The following DCSTAMP variants were observed in gnomAD, a reference collection of about 807,000 sequenced individuals.
DCSTAMP encodes dendrocyte expressed seven transmembrane protein, also known as dendritic cell-specific transmembrane protein.
DCSTAMP carries 25 observed loss-of-function variants against 33.8 expected under a neutral mutation model. The ratio of observed to expected loss-of-function variants is 0.74; its 90% CI spans 0.54 to 1.03. The LOEUF (loss-of-function observed/expected upper bound fraction) is 1.03, where lower values mean the gene tolerates loss of function less well. Among genes scored for constraint, DCSTAMP ranks in the 50% least tolerant of loss-of-function variants. The probability of loss-of-function intolerance (pLI) is 0.00; values close to 1 mark genes in which losing one functional copy is unlikely to be tolerated. For synonymous variants in DCSTAMP, 245 were observed against 216.7 expected (o/e 1.13, Z -1.15); for missense variants, 531 against 556.8 (o/e 0.95, Z 0.47).
Position 104,355,130 on chromosome 8 carries a change from G to A in DCSTAMP, c.1283G>A (p.Arg428Lys). Residue 428 changes from arginine (R) to lysine (K), a missense_variant, in exon 3 of 4, where the codon AGA (arginine) becomes AAA (lysine). Physicochemically the swap from Arg to Lys is conservative, Grantham distance 26. Transcript: ENST00000297581. ...QYLHAKLLKKRSKQPLGEVKR... is the reference protein window; with the variant it reads ...QYLHAKLLKKKSKQPLGEVKR... ...CTGCATGCAAAGCTGCTTAAAAAAAGATCAAAGCAGCCGCTGGGAGAAGTC... is the reference window on the plus strand; with the variant it reads ...CTGCATGCAAAGCTGCTTAAAAAAAAATCAAAGCAGCCGCTGGGAGAAGTC... 6.2e-7 allele frequency: 1 copy of A among 1,614,070 alleles called. No individual in the cohort carries two copies. The highest frequency in any genetic ancestry group is 8.5e-7 in the Non-Finnish European group (1 of 1,180,006).
chr8:104,350,690 A>G (rs76782875), intron 2 of DCSTAMP, among the ~76,000 whole-genome samples: 1 of 152,204 alleles, frequency 6.6e-6, no homozygotes, highest in Non-Finnish European at 1.5e-5. Flanking sequence ...TTAAATGAGC[A>G]TGCCTGTGAT....
At chr8:104,343,027 C>T (rs116125446) in intron 1 of DCSTAMP, among the ~76,000 whole-genome samples, 3,567 of 152,256 alleles carry the variant, frequency 0.023, 125 homozygotes, top group African/African-American at 0.075. Flanking sequence ...TGGTTGACAA[C>T]GCAGGACAGC....
At chr8:104,343,829 C>A (rs2099383403) in intron 1 of DCSTAMP, among the ~76,000 whole-genome samples, 1 of 152,236 alleles carries the variant, frequency 6.6e-6, no homozygotes, top group South Asian at 2.1e-4. Context: ...TGTCTGCAAG[C>A]CGGGGAGGGG....
At chr8:104,340,292 T>C (rs555940287) in intron 1 of DCSTAMP, 1 of 152,346 alleles carries the variant, frequency 6.6e-6, no homozygotes, top group Non-Finnish European at 1.5e-5. Flanking sequence ...TGAAGGCTGC[T>C]TTCACAGAGG....
chr8:104,340,822 T>G (rs773284205), intron 1 of DCSTAMP, among the ~76,000 whole-genome samples: 9 of 152,156 alleles, frequency 5.9e-5, no homozygotes, highest in Non-Finnish European at 1.0e-4. Flanking sequence ...ATCAAGCCAG[T>G]GAGGGAGGCT....
At chr8:104,353,739 C>A (rs1810532146) in intron 2 of DCSTAMP, among the ~76,000 whole-genome samples, 2 of 152,208 alleles carry the variant, frequency 1.3e-5, no homozygotes, top group African/African-American at 2.4e-5. Flanking sequence ...ATCCAAGGTG[C>A]CCAGCGTCCG....
In DCSTAMP at chr8:104,348,544, G is replaced by A. The variant is rs747935144; in HGVS notation, c.-9G>A. 2.3e-5 allele frequency: 37 copies of A among 1,604,524 alleles called. No homozygotes were observed. Among genetic ancestry groups the A allele is most frequent in the East Asian group, 2.2e-5 (1 of 44,798 alleles). ...TTGGTTTCTTTTTCATTTTCAGGAC[G>A]CAGGGAGCATGGGTATCTGGACCTC... is the stretch of plus-strand genomic sequence containing the variant. On this transcript the variant is annotated 5_prime_UTR_variant, in exon 2 of 4. Transcript: ENST00000297581.
chr8:104,356,533 C>T lies in DCSTAMP; in HGVS notation c.*335C>T, dbSNP rs1810629959. ...AAAACGAAAACAGTTTAAATCTCTA[C>T]CACAGCCTCACAAGCAAATGCTAAG... On this transcript the variant is annotated 3_prime_UTR_variant, in exon 4 of 4. Coordinates refer to ENST00000297581, the MANE Select transcript of DCSTAMP (RefSeq NM_030788.4). 6.1e-6 allele frequency: 1 copy of T among 164,544 alleles called. No homozygotes were observed. The highest frequency in any genetic ancestry group is 2.4e-5 in the African/African-American group (1 of 41,882). The allele number at this position is 164,544 out of a possible 1,614,324, so 10.2% of individuals were successfully genotyped here.
At chr8:104,343,521 G>T (rs1002669690) in intron 1 of DCSTAMP, among the ~76,000 whole-genome samples, 1 of 152,156 alleles carries the variant, frequency 6.6e-6, no homozygotes, top group Non-Finnish European at 1.5e-5. Context: ...CCCCAGTGTG[G>T]CTGTATTTGG....
At chr8:104,354,719 T>G (rs1810565463) in intron 2 of DCSTAMP, among the ~76,000 whole-genome samples, 158 bp from the exon 3 acceptor site, 1 of 152,164 alleles carries the variant, frequency 6.6e-6, no homozygotes, top group African/African-American at 2.4e-5. Context: ...TCTCCTTTGC[T>G]CCAATCATAA....
At chr8:104,355,288 A>G in intron 3 of DCSTAMP, 103 bp downstream of exon 3, 1 of 1,226,222 alleles carries the variant, frequency 8.2e-7, no homozygotes, top group Admixed American at 2.6e-5. Context: ...ACTTCACATC[A>G]GGGCTTGTAC....
chr8:104,344,350 T>G (rs1470024396), intron 1 of DCSTAMP, among the ~76,000 whole-genome samples: 1 of 152,090 alleles, frequency 6.6e-6, no homozygotes, highest in Non-Finnish European at 1.5e-5. Flanking sequence ...GTAATTAAAT[T>G]TATTAATTAA....
Position 104,348,581 on chromosome 8 carries a change from T to C in DCSTAMP, c.29T>C (p.Ile10Thr), listed in dbSNP as rs762435070. The C allele has an allele frequency of 5.6e-6, 9 of 1,614,072 alleles. No individual in the cohort carries two copies. In the South Asian group the frequency reaches 6.6e-5, roughly 12 times the overall value. ...GGTATCTGGACCTCAGGCACTGATA[T>C]CTTCCTAAGTCTTTGGGAGATTTAC... The part of the protein sequence containing the change: MGIWTSGTD[I>T]FLSLWEIYVS... The change falls in exon 2 of 4, where the codon ATC becomes ACC. Residue 10 changes from isoleucine (I) to threonine (T), a missense_variant. Transcript: ENST00000297581.
chr8:104,349,521 A>C lies in DCSTAMP; in HGVS notation c.969A>C (p.Ser323=). ...ATCTGCTGTATCGGCTCATTTTCTC[A>C]GTGAGCAAGCAGTTTCAAAGCTTGC... ...VDYLLYRLIF[S]VSKQFQSLPG... is the part of the protein sequence containing the mutation. Residue 323 remains serine, a synonymous_variant, in exon 2 of 4, where the codon TCA becomes TCC. Coordinates refer to ENST00000297581, the MANE Select transcript of DCSTAMP (RefSeq NM_030788.4). The C allele has an allele frequency of 1.2e-6, 2 of 1,614,002 alleles. No individual in the cohort carries two copies. Among genetic ancestry groups the C allele is most frequent in the Non-Finnish European group, 8.5e-7 (1 of 1,180,004 alleles).
rs1393341496 is a variant in DCSTAMP, at chr8:104,349,025, T to A, written c.473T>A (p.Leu158Gln). The stretch of plus-strand genomic sequence containing the variant: ...TGGATTTATGGCCTTGCCACTCCAC[T>A]AAGTGTATTTGATGACCTTGTTTCT... ...IQWIYGLATPLSVFDDLVSWN... is the reference protein window; with the variant it reads ...IQWIYGLATPQSVFDDLVSWN... The change falls in exon 2 of 4, where the codon CTA becomes CAA. Residue 158 changes from leucine (L) to glutamine (Q), a missense_variant. Coordinates refer to ENST00000297581, the MANE Select transcript of DCSTAMP (RefSeq NM_030788.4). 1.2e-6 allele frequency: 2 copies of A among 1,614,258 alleles called. No individual in the cohort carries two copies. Among genetic ancestry groups the A allele is most frequent in the African/African-American group, 1.3e-5 (1 of 75,062 alleles).
chr8:104,350,655 ATTTTG>A (rs1267177221), intron 2 of DCSTAMP, among the ~76,000 whole-genome samples: 1 of 152,194 alleles, frequency 6.6e-6, no homozygotes, highest in Non-Finnish European at 1.5e-5. Context: ...ATTTACACAG[ATTTTG>A]TTTTAACTGG....
rs1221198997 is a variant in DCSTAMP, at chr8:104,348,732, G to A, written c.180G>A (p.Ala60=). The change falls in exon 2 of 4, where the codon GCG becomes GCA. Residue 60 remains alanine, a synonymous_variant. Coordinates refer to ENST00000297581, the MANE Select transcript of DCSTAMP (RefSeq NM_030788.4). ...AACWFLPSII[A]AAASWIITCV... ...GCTGGTTTCTGCCATCAATCATAGCGGCCGCTGCCTCCTGGATTATCACGT... is the reference window on the plus strand; with the variant it reads ...GCTGGTTTCTGCCATCAATCATAGCAGCCGCTGCCTCCTGGATTATCACGT... 4.3e-6 allele frequency: 7 copies of A among 1,613,920 alleles called. No homozygotes were observed. The East Asian group carries it at 8.9e-5, about 21-fold the overall frequency.
chr8:104,354,834 C>T (rs781065043), intron 2 of DCSTAMP, 43 bp from the exon 3 acceptor site: 2 of 1,346,592 alleles, frequency 1.5e-6, no homozygotes, highest in Admixed American at 1.9e-5. Context: ...GAACTGAGTA[C>T]AAAAATGGCA....
At position 104,349,536 on chromosome 8, in the gene DCSTAMP, T is replaced by C. The variant is rs746838328; in HGVS notation, c.984T>C (p.Phe328=). The C allele has an allele frequency of 3.7e-6, 6 of 1,613,804 alleles. No homozygotes were observed. In the South Asian group the frequency reaches 6.6e-5, roughly 18 times the overall value. The part of the protein sequence containing the change: ...YRLIFSVSKQ[F]QSLPGFEVHL... ...TCATTTTCTCAGTGAGCAAGCAGTT[T>C]CAAAGCTTGCCAGGGTTTGAGGTTC... Residue 328 remains phenylalanine (F), a synonymous_variant, in exon 2 of 4, where the codon TTT becomes TTC. Coordinates refer to ENST00000297581, the MANE Select transcript of DCSTAMP (RefSeq NM_030788.4).
Sources: allele counts gnomAD v4.1 joint callset (sites outside exome capture counted in the v4.1 genomes callset), GRCh38; gene constraint gnomAD v4.1.1; transcripts MANE v1.5; gene names NCBI Gene and HGNC (gene_info 2026-07-23, HGNC 2026-07-21).